Variants in ZNF782 observed in about 807,000 individuals in gnomAD.
ZNF782 encodes zinc finger protein 782.
Under a neutral mutation model 13.0 loss-of-function variants are expected in ZNF782, and 12 were observed. The observed-to-expected ratio is 0.92, with a 90% CI of 0.59 to 1.50. ZNF782 has a LOEUF of 1.50. Ranked by LOEUF, ZNF782 falls within the 40% of genes most tolerant of loss-of-function variation. ZNF782 has a pLI of 0.00. For synonymous variants in ZNF782, 284 were observed against 283.0 expected, an observed-to-expected ratio of 1.00 and a Z score of -0.04; for missense variants, 770 against 822.9, an observed-to-expected ratio of 0.94 and a Z score of 0.79.
At chr9:96,831,618 C>G (rs1850802958) in intron 4 of ZNF782, among the ~76,000 whole-genome samples, 1 of 151,158 alleles carries the variant, frequency 6.6e-6, no homozygotes, top group African/African-American at 2.4e-5. Flanking sequence ...GAGGCTGAGG[C>G]AGGAGAATGG....
intron 1 of ZNF782, among the ~76,000 whole-genome samples, chr9:96,863,793 A>G (rs1162280434): frequency 6.6e-6 from 1 of 152,196 alleles, no homozygotes; most frequent in Non-Finnish European, 1.5e-5. Context: ...TCTCACTTAT[A>G]GGTGGGAGCT....
the ZNF782 span, among the ~76,000 whole-genome samples, chr9:96,901,524 G>A: frequency 4.0e-5 from 6 of 151,538 alleles, no homozygotes; most frequent in Non-Finnish European, 8.8e-5. Context: ...CTCCCACCTC[G>A]GCCTCCCAAA....
chr9:96,856,878 G>A (rs1043227545), upstream of ZNF782, among the ~76,000 whole-genome samples: 6 of 152,152 alleles, frequency 3.9e-5, no homozygotes, highest in Non-Finnish European at 7.3e-5. Flanking sequence ...AAAAATAGGG[G>A]CTGTAAGAAG....
At chr9:96,876,995 G>GAAA (rs147014113), upstream of ZNF782, among the ~76,000 whole-genome samples, 1 of 72,970 alleles carries the variant, frequency 1.4e-5, no homozygotes, top group Admixed American at 1.4e-4. Context: ...AAAGAAAAAA[G>GAAA]AAAAAAAAAT....
the ZNF782 span, among the ~76,000 whole-genome samples, chr9:96,900,897 A>G: frequency 7.3e-6 from 1 of 137,566 alleles, no homozygotes; most frequent in Non-Finnish European, 1.5e-5. Flanking sequence ...CTGTAATCTC[A>G]GCACTTTGGG....
intron 4 of ZNF782, among the ~76,000 whole-genome samples, chr9:96,828,613 T>C (rs76009170): frequency 0.019 from 2,903 of 152,316 alleles, 80 homozygotes; most frequent in African/African-American, 0.065. Context: ...GAGGACTGCC[T>C]GAAGCTGGGA....
upstream of ZNF782, among the ~76,000 whole-genome samples, chr9:96,856,926 A>G (rs1338700665): frequency 6.6e-6 from 1 of 152,236 alleles, no homozygotes; most frequent in Non-Finnish European, 1.5e-5. Context: ...TATCAAGCCA[A>G]CAACTGACTA....
the ZNF782 span, among the ~76,000 whole-genome samples, chr9:96,931,387 CGAGA>C: frequency 0.011 from 1,720 of 152,126 alleles, 47 homozygotes; most frequent in African/African-American, 0.039. Flanking sequence ...ACCAAGCCAC[CGAGA>C]GACTCATCCC....
At chr9:96,865,388 G>C (rs1253689762) in intron 1 of ZNF782, among the ~76,000 whole-genome samples, 1 of 151,990 alleles carries the variant, frequency 6.6e-6, no homozygotes, top group Non-Finnish European at 1.5e-5. Flanking sequence ...GGTATTATAA[G>C]AGGGAGTTTC....
chr9:96,858,815 C>G (rs73546561), upstream of ZNF782, among the ~76,000 whole-genome samples: 209 of 152,298 alleles, frequency 1.4e-3, 2 homozygotes, highest in African/African-American at 4.7e-3. This position sits in a 1 kb window ranked among gnomAD's most constrained non-coding sequence, Gnocchi z 4.4. Flanking sequence ...CAGCTGTGCT[C>G]CCCACAGGAA....
chr9:96,822,221 G>C (rs943706354), intron 5 of ZNF782, among the ~76,000 whole-genome samples: 4 of 152,080 alleles, frequency 2.6e-5, no homozygotes, highest in African/African-American at 4.8e-5. Context: ...CATGTTTTTT[G>C]AATGAATCAA....
chr9:96,856,484 G>A (rs956607522), upstream of ZNF782, among the ~76,000 whole-genome samples: 1 of 152,236 alleles, frequency 6.6e-6, no homozygotes, highest in African/African-American at 2.4e-5. Flanking sequence ...TCCCCAGAGA[G>A]AGCAGTCCTG....
chr9:96,890,755 C>T, the ZNF782 span: 1 of 152,194 alleles, frequency 6.6e-6, no homozygotes, highest in Admixed American at 6.5e-5. Context: ...CTGTGGAAAA[C>T]AGTTTGGCAG....
intron 3 of ZNF782, among the ~76,000 whole-genome samples, chr9:96,851,200 TAAAA>T (rs1283635024): frequency 5.3e-5 from 8 of 151,392 alleles, no homozygotes; most frequent in Non-Finnish European, 1.0e-4. Context: ...TAAAAAAAAA[TAAAA>T]AAAGTAAATG....
intron 1 of ZNF782, among the ~76,000 whole-genome samples, chr9:96,873,210 A>G (rs1851848324): frequency 6.6e-6 from 1 of 152,118 alleles, no homozygotes; most frequent in African/African-American, 2.4e-5. Flanking sequence ...ATAACTCATC[A>G]CCTCATCTTG....
At chr9:96,865,804 A>T (rs1318747262) in intron 1 of ZNF782, among the ~76,000 whole-genome samples, 2 of 152,150 alleles carry the variant, frequency 1.3e-5, no homozygotes, top group Non-Finnish European at 2.9e-5. Context: ...GTGGTCTCAG[A>T]TGGAGATGAG....
intron 1 of ZNF782, among the ~76,000 whole-genome samples, chr9:96,872,434 G>C (rs1044653995): frequency 1.3e-5 from 2 of 152,008 alleles, no homozygotes; most frequent in Non-Finnish European, 2.9e-5. Context: ...TGGAGGCTGA[G>C]GCAGGAGAAT....
intron 4 of ZNF782, among the ~76,000 whole-genome samples, chr9:96,832,158 A>T: frequency 6.6e-6 from 1 of 151,458 alleles, no homozygotes; most frequent in Non-Finnish European, 1.5e-5. Flanking sequence ...TAGTTTTTTT[A>T]GTGGTTACTC....
At chr9:96,877,906 T>G (rs2064014843), upstream of ZNF782, among the ~76,000 whole-genome samples, 1 of 152,212 alleles carries the variant, frequency 6.6e-6, no homozygotes, top group Non-Finnish European at 1.5e-5. Context: ...TTAAATACAG[T>G]CTTCCATATA....
Sources: allele counts gnomAD v4.1 joint callset (sites outside exome capture counted in the v4.1 genomes callset), GRCh38; gene constraint gnomAD v4.1.1; non-coding constraint Gnocchi (gnomAD v3.1); transcripts MANE v1.5; gene names NCBI Gene and HGNC (gene_info 2026-07-23, HGNC 2026-07-21).